The following SPIRE1 variants were observed in gnomAD, a reference collection of about 807,000 sequenced individuals.
The protein encoded by SPIRE1 is spire type actin nucleation factor 1.
SPIRE1 carries 40 observed loss-of-function variants against 94.1 expected under a neutral mutation model. The observed-to-expected ratio is 0.43, with a 90% confidence interval of 0.33 to 0.55. The LOEUF (loss-of-function observed/expected upper bound fraction) is 0.55, where lower values mean the gene tolerates loss of function less well. SPIRE1 is among the 20% of genes least tolerant of loss of function. The probability of loss-of-function intolerance (pLI) is 0.06; values close to 1 mark genes in which losing one functional copy is unlikely to be tolerated. For missense variants in SPIRE1, 838 were observed against 975.2 expected (o/e 0.86, Z 1.87); for synonymous variants, 376 against 371.7 (o/e 1.01, Z -0.13).
Position 12,546,914 on chromosome 18 carries a change from T to A in SPIRE1, c.373-10A>T. 1 of 1,588,046 alleles carries A rather than the reference T, an allele frequency of 6.3e-7. No homozygotes were observed. The highest frequency in any genetic ancestry group is 8.6e-7 in the Non-Finnish European group (1 of 1,161,024). On this transcript the variant is annotated splice_polypyrimidine_tract_variant and intron_variant, in intron 2 of 16. Coordinates refer to ENST00000409402, the MANE Select transcript of SPIRE1 (RefSeq NM_001128626.2). ...CCAAAGATTCAATGACCTAGGAACATTTAAAAAAGTGGTTAATGGAGATGA... is the reference window on the plus strand; with the variant it reads ...CCAAAGATTCAATGACCTAGGAACAATTAAAAAAGTGGTTAATGGAGATGA...
intron 4 of SPIRE1, among the ~76,000 whole-genome samples, chr18:12,532,107 C>T (rs1352654230): frequency 6.6e-6 from 1 of 152,092 alleles, no homozygotes; most frequent in Non-Finnish European, 1.5e-5. Context: ...AACAGCAGGC[C>T]TACCCAAATC....
intron 9 of SPIRE1, among the ~76,000 whole-genome samples, chr18:12,480,198 G>C (rs1225998380): frequency 2.0e-5 from 3 of 152,160 alleles, no homozygotes; most frequent in African/African-American, 7.2e-5. Flanking sequence ...AGCCTCTAAG[G>C]ATCCAGTGAT....
intron 3 of SPIRE1, among the ~76,000 whole-genome samples, 171 bp downstream of exon 3, chr18:12,546,503 T>C (rs1383746936): frequency 6.6e-6 from 1 of 151,726 alleles, no homozygotes; most frequent in African/African-American, 2.4e-5. Context: ...TGTGGTGGCA[T>C]ACACCTGTAG....
chr18:12,476,396 C>T (rs1383284714), intron 10 of SPIRE1, among the ~76,000 whole-genome samples: 1 of 151,270 alleles, frequency 6.6e-6, no homozygotes, highest in Non-Finnish European at 1.5e-5. Context: ...AAAAAATTAG[C>T]TGAGCATGGT....
intron 2 of SPIRE1, among the ~76,000 whole-genome samples, chr18:12,573,793 G>A (rs1373253442): frequency 1.3e-5 from 2 of 151,560 alleles, no homozygotes; most frequent in African/African-American, 2.4e-5. Context: ...AGGCTGGAGT[G>A]CAGTGGTGCA....
chr18:12,535,143 G>C (rs552930705), intron 4 of SPIRE1, among the ~76,000 whole-genome samples: 1 of 152,252 alleles, frequency 6.6e-6, no homozygotes, highest in East Asian at 1.9e-4. Flanking sequence ...GTTTCAGAAT[G>C]GACAGAAGAG....
chr18:12,578,084 C>T (rs1043196337), intron 2 of SPIRE1, among the ~76,000 whole-genome samples: 1 of 152,142 alleles, frequency 6.6e-6, no homozygotes, highest in Non-Finnish European at 1.5e-5. Flanking sequence ...AAAACTAGAA[C>T]ATGTACATTG....
At chr18:12,655,129 G>A (rs1342462639) in intron 1 of SPIRE1, among the ~76,000 whole-genome samples, 1 of 151,532 alleles carries the variant, frequency 6.6e-6, no homozygotes, top group East Asian at 1.9e-4. Context: ...AAGGCAGTTG[G>A]ATCACTTAAG....
At chr18:12,479,176 CT>C (rs35129611) in intron 10 of SPIRE1, among the ~76,000 whole-genome samples, 19,957 of 122,404 alleles carry the variant, frequency 0.16, 1,472 homozygotes, top group African/African-American at 0.35. Context: ...TTTTCTTTTT[CT>C]TTTTTTTTTT....
chr18:12,506,666 C>T (rs1236344305), intron 5 of SPIRE1, 25 bp from the exon 6 acceptor site: 1 of 1,609,164 alleles, frequency 6.2e-7, no homozygotes, highest in South Asian at 1.1e-5. Flanking sequence ...GATAGAGAGA[C>T]ATCAATGAAT....
At chr18:12,639,040 G>T (rs1436609782) in intron 1 of SPIRE1, among the ~76,000 whole-genome samples, 1 of 152,138 alleles carries the variant, frequency 6.6e-6, no homozygotes, top group Non-Finnish European at 1.5e-5. Context: ...AGTGGCTGTT[G>T]GGATTGAGGG....
chr18:12,655,527 C>A (rs2038515426), intron 1 of SPIRE1, among the ~76,000 whole-genome samples: 1 of 152,192 alleles, frequency 6.6e-6, no homozygotes, highest in Admixed American at 6.5e-5. Context: ...ACTGGTAGCG[C>A]AGGTCATGAG....
intron 2 of SPIRE1, among the ~76,000 whole-genome samples, chr18:12,561,509 G>A (rs55749182): frequency 0.34 from 51,368 of 151,826 alleles, 10,187 homozygotes; most frequent in East Asian, 0.58. Flanking sequence ...CAGGTGATCC[G>A]CCCGCCTTGG....
intron 1 of SPIRE1, among the ~76,000 whole-genome samples, chr18:12,648,568 T>C (rs935930231): frequency 6.6e-6 from 1 of 152,004 alleles, no homozygotes; most frequent in African/African-American, 2.4e-5. Context: ...TGCAATATGG[T>C]ATCTCGAATG....
intron 2 of SPIRE1, among the ~76,000 whole-genome samples, chr18:12,634,798 G>A (rs2037878087): frequency 6.6e-6 from 1 of 152,132 alleles, no homozygotes; most frequent in African/African-American, 2.4e-5. Flanking sequence ...AGCTGAGCGT[G>A]GTGGTGGGTG....
intron 2 of SPIRE1, among the ~76,000 whole-genome samples, chr18:12,583,991 AAGAC>A (rs1421932273): frequency 1.3e-5 from 2 of 152,192 alleles, no homozygotes; most frequent in Non-Finnish European, 2.9e-5. Flanking sequence ...TGCTTATTAA[AAGAC>A]AGACTCTCAA....
chr18:12,642,517 ATTATC>A (rs2144855065), intron 1 of SPIRE1, among the ~76,000 whole-genome samples: 1 of 152,240 alleles, frequency 6.6e-6, no homozygotes, highest in Non-Finnish European at 1.5e-5. Context: ...AAATTTGGAT[ATTATC>A]TTTTATCTAT....
intron 2 of SPIRE1, among the ~76,000 whole-genome samples, chr18:12,584,683 T>G (rs894961166): frequency 1.3e-5 from 2 of 152,156 alleles, no homozygotes; most frequent in Non-Finnish European, 2.9e-5. Flanking sequence ...TAGTGCTAGC[T>G]ACTTGGTGGC....
At chr18:12,658,360 A>C, upstream of SPIRE1, 1 of 418,070 alleles carries the variant, frequency 2.4e-6, no homozygotes, top group Non-Finnish European at 4.8e-6. Context: ...GCGGCGACGC[A>C]CGGTCCGGAG....
Sources: gnomAD v4.1 joint callset for allele counts (sites outside exome capture counted in the v4.1 genomes callset) on GRCh38, gnomAD v4.1.1 for gene constraint, MANE v1.5 for transcripts, NCBI Gene and HGNC (gene_info 2026-07-23, HGNC 2026-07-21) for gene names.